SLC38A5: variants seen among roughly 807,000 people sequenced by gnomAD.
SLC38A5 encodes solute carrier family 38 member 5.
A neutral mutation model predicts 34.6 loss-of-function variants in SLC38A5; 9 were observed. The ratio of observed to expected loss-of-function variants is 0.26; its 90% CI spans 0.16 to 0.45. The LOEUF (loss-of-function observed/expected upper bound fraction) is 0.45, where lower values mean the gene tolerates loss of function less well. SLC38A5 is among the 20% of genes least tolerant of loss of function. SLC38A5 has a pLI of 1.00. For synonymous variants in SLC38A5, 157 were observed against 155.6 expected (o/e 1.01, Z -0.07); for missense variants, 253 against 394.7 (o/e 0.64, Z 3.04).
chrX:48,463,924 A>G (rs1023932728), intron 8 of SLC38A5, among the ~76,000 whole-genome samples: 4 of 111,222 alleles, frequency 3.6e-5, no homozygotes, highest in African/African-American at 9.8e-5. Context: ...AAAGAAAGAA[A>G]GGAGAAAATC....
chrX:48,462,337 T>G, intron 9 of SLC38A5, 46 bp from the exon 10 acceptor site: 1 of 1,161,180 alleles, frequency 8.6e-7, no homozygotes, highest in Non-Finnish European at 1.2e-6. Context: ...CCAGGCGTGG[T>G]GGCTCACACC....
intron 8 of SLC38A5, among the ~76,000 whole-genome samples, chrX:48,464,392 T>G (rs1569470130): frequency 8.9e-6 from 1 of 112,943 alleles, no homozygotes; most frequent in East Asian, 2.8e-4. Flanking sequence ...GGGAGCTAAC[T>G]ATAATAATGA....
chrX:48,467,930 G>A lies in SLC38A5; in HGVS notation c.-1-5C>T, dbSNP rs782109165. The A allele has an allele frequency of 1.7e-6, 2 of 1,202,061 alleles. No homozygotes were observed. The highest frequency in any genetic ancestry group is 2.2e-6 in the Non-Finnish European group (2 of 890,189). On this transcript the variant is annotated splice_region_variant and splice_polypyrimidine_tract_variant and intron_variant, in intron 2 of 16. Transcript: ENST00000620913. ...TTTGGATCCTGCAGTTCCATCCTGT[G>A]GGCAAAGAAATGGGGTGGGGGGATC...
Position 48,462,273 on chromosome X carries a change from C to A in SLC38A5, c.593G>T (p.Ser198Ile). ...CAGCATGCAGGTCAGAGAGAGACCA[C>A]TGGTGTACCCCAGGTAGCCTAAGAG... The part of the protein sequence containing the change: ...MKHLGYLGYT[S>I]GLSLTCMLFF... The change falls in exon 10 of 17, where the codon AGT becomes ATT. Residue 198 changes from serine to isoleucine, a missense_variant. Around this residue, in one of 3 missense-constraint regions of SLC38A5, gnomAD observed 176 missense variants for 273.0 expected, o/e 0.64. Transcript: ENST00000620913. 1 of 1,210,322 alleles carries A rather than the reference C, an allele frequency of 8.3e-7. No individual in the cohort carries two copies. The highest frequency in any genetic ancestry group is 1.1e-6 in the Non-Finnish European group (1 of 894,827).
Position 48,467,772 on chromosome X carries a change from G to A in SLC38A5, c.67C>T (p.Arg23Cys), listed in dbSNP as rs781803186. 8 of 1,208,161 alleles carry A rather than the reference G, an allele frequency of 6.6e-6. No individual in the cohort carries two copies. The highest frequency in any genetic ancestry group is 1.7e-5 in the African/African-American group (1 of 57,628). Residue 23 changes from arginine to cysteine, a missense_variant, in exon 4 of 17, where the codon CGT (arginine) becomes TGT (cysteine). Coordinates refer to ENST00000620913, the MANE Select transcript of SLC38A5 (RefSeq NM_033518.4). ...CCACGACTGGGCAGGAAGCCCTCACGTTCTTGCCTGTAGCTGGATAGGGCA... is the reference window on the plus strand; with the variant it reads ...CCACGACTGGGCAGGAAGCCCTCACATTCTTGCCTGTAGCTGGATAGGGCA... ...PSDAVGYRQEREGFLPSRGPA... is the reference protein window; with the variant it reads ...PSDAVGYRQECEGFLPSRGPA...
rs2061416329 is a variant in SLC38A5, at chrX:48,458,854, T to C, written c.*79A>G. ...CATGGGAACCAGCCACCTCCACATG[T>C]TGGGCAGGAGGGACCCTAGGGAGCG... On this transcript the variant is annotated 3_prime_UTR_variant, in exon 17 of 17. Transcript: ENST00000620913. 1.8e-6 allele frequency: 2 copies of C among 1,109,893 alleles called. No homozygotes were observed. Among genetic ancestry groups the C allele is most frequent in the African/African-American group, 3.7e-5 (2 of 54,299 alleles). The allele number at this position is 1,109,893 out of a possible 1,213,427, so 91.5% of individuals were successfully genotyped here. A position where few individuals can be genotyped will look rare whatever the true frequency, so the allele number is the denominator to read the frequency against.
At chrX:48,464,074 T>G (rs1040795204) in intron 8 of SLC38A5, among the ~76,000 whole-genome samples, 3 of 111,763 alleles carry the variant, frequency 2.7e-5, no homozygotes, top group Non-Finnish European at 3.8e-5. Context: ...CATGCATGCT[T>G]GTTTGAACAG....
At chrX:48,468,813 C>T in intron 2 of SLC38A5, 7 of 646,289 alleles carry the variant, frequency 1.1e-5, no homozygotes, top group South Asian at 8.4e-5. Flanking sequence ...GAACCTGGCC[C>T]GAGCCCTCAT....
rs2061414730 is a variant in SLC38A5 at position 48,458,674 on chromosome X, C to CCTT, written c.*258_*259insAAG. On this transcript the variant is annotated 3_prime_UTR_variant, in exon 17 of 17. Coordinates refer to ENST00000620913, the MANE Select transcript of SLC38A5 (RefSeq NM_033518.4). ...CAGGACCTGGCCTCCTCCTCCTCCT[C>CCTT]CTCCTCCTCCTCCTCCTCCTCTTCT... 1.0e-6 allele frequency: 1 copy of CCTT among 974,977 alleles called. No individual in the cohort carries two copies. The highest frequency in any genetic ancestry group is 4.3e-5 in the East Asian group (1 of 23,475). The allele number at this position is 974,977 out of a possible 1,213,427, so 80.3% of individuals were successfully genotyped here.
At chrX:48,459,112 C>T in intron 16 of SLC38A5, 78 bp from the exon 17 acceptor site, 12 of 1,014,823 alleles carry the variant, frequency 1.2e-5, no homozygotes, top group Non-Finnish European at 1.6e-5. Flanking sequence ...CTCAAGTCTT[C>T]CACCTCCTTC....
Position 48,466,852 on chromosome X carries a change from G to A in SLC38A5, c.266C>T (p.Ala89Val). 8.3e-7 allele frequency: 1 copy of A among 1,205,940 alleles called. No individual in the cohort carries two copies. Among genetic ancestry groups the A allele is most frequent in the Non-Finnish European group, 1.1e-6 (1 of 892,546 alleles). Residue 89 changes from alanine (A) to valine (V), a missense_variant, in exon 6 of 17, where the codon GCG becomes GTG. Transcript: ENST00000620913. ...GTGGATGGAGTAGGACGACAGAAGC[G>A]CAATGCACAGCAGCAGGGCCCTGCG... Reference protein sequence around the residue: ...IFFLALLLCIALLSSYSIHLL... With the variant: ...IFFLALLLCIVLLSSYSIHLL...
chrX:48,458,726 T>G lies in SLC38A5; in HGVS notation c.*207A>C. The stretch of plus-strand genomic sequence containing the variant: ...CCTCCTCCTCCTCCTCCCATGGGGT[T>G]GGGGTTGGGATTAGGGCCATGATCC... On this transcript the variant is annotated 3_prime_UTR_variant, in exon 17 of 17. Coordinates refer to ENST00000620913, the MANE Select transcript of SLC38A5 (RefSeq NM_033518.4). 2.0e-6 allele frequency: 2 copies of G among 999,584 alleles called. No homozygotes were observed. The highest frequency in any genetic ancestry group is 1.3e-6 in the Non-Finnish European group (1 of 790,107). 82.4% of individuals were successfully genotyped at this position (999,584 alleles called of 1,213,427 possible).
rs137986694 is a variant in SLC38A5 at position 48,460,712 on chromosome X, G to A, written c.1005C>T (p.Ile335=). ...LHMYSQKDPL[I]LCVRLAVLLA... Reference sequence around the variant, plus strand: ...GCAGCACGGCCAGGCGCACACAGAGGATGAGCGGGTCCTTCTGGCTGTACA... The same window carrying A: ...GCAGCACGGCCAGGCGCACACAGAGAATGAGCGGGTCCTTCTGGCTGTACA... The change falls in exon 14 of 17, where the codon ATC becomes ATT. Residue 335 remains isoleucine, a synonymous_variant. Transcript: ENST00000620913. 2.7e-5 allele frequency: 33 copies of A among 1,210,733 alleles called. No individual in the cohort carries two copies. In the African/African-American group the frequency reaches 4.7e-4, roughly 17 times the overall value.
intron 4 of SLC38A5, chrX:48,467,439 A>G (rs1055139884): frequency 9.5e-6 from 4 of 419,122 alleles, no homozygotes; most frequent in Non-Finnish European, 1.7e-5. Context: ...CTGGAGGAGA[A>G]AGGCAGGCCG....
chrX:48,467,478 C>G, intron 4 of SLC38A5: 1 of 428,779 alleles, frequency 2.3e-6, no homozygotes, highest in Non-Finnish European at 4.1e-6. Context: ...AGGGCAGTCA[C>G]TGGGCCGAAG....
intron 11 of SLC38A5, 30 bp from the exon 12 acceptor site, chrX:48,461,827 G>A: frequency 8.4e-7 from 1 of 1,188,776 alleles, no homozygotes. Context: ...CATGGGATTA[G>A]AGCCAACAGG....
chrX:48,460,752 G>C lies in SLC38A5; in HGVS notation c.965C>G (p.Ala322Gly). ...CTGGCTGTACATGTGCAGCATCTCC[G>C]CCTTCACACTGCCTGGGCCATGAGA... ...GYLTFYSSVK[A>G]EMLHMYSQKD... Residue 322 changes from alanine to glycine, a missense_variant, in exon 14 of 17, where the codon GCG becomes GGG. Ala to Gly is a moderately conservative substitution (Grantham distance 60, BLOSUM62 0). Coordinates refer to ENST00000620913, the MANE Select transcript of SLC38A5 (RefSeq NM_033518.4). 8.3e-7 allele frequency: 1 copy of C among 1,210,773 alleles called. No individual in the cohort carries two copies. The highest frequency in any genetic ancestry group is 1.1e-6 in the Non-Finnish European group (1 of 894,777).
chrX:48,458,640 A>G lies in SLC38A5; in HGVS notation c.*293T>C. On this transcript the variant is annotated 3_prime_UTR_variant, in exon 17 of 17. Transcript: ENST00000620913. ...AGGCAGAGAGGACTGGGCTGGGCAAAGGCTCCACCAGGACCTGGCCTCCTC... is the reference window on the plus strand; with the variant it reads ...AGGCAGAGAGGACTGGGCTGGGCAAGGGCTCCACCAGGACCTGGCCTCCTC... 1 of 954,683 alleles carries G rather than the reference A, an allele frequency of 1.0e-6. No homozygotes were observed. Among genetic ancestry groups the G allele is most frequent in the Non-Finnish European group, 1.3e-6 (1 of 765,647 alleles). 78.7% of individuals were successfully genotyped at this position (954,683 alleles called of 1,213,427 possible).
intron 2 of SLC38A5, chrX:48,469,112 G>A: frequency 1.5e-6 from 1 of 650,977 alleles, no homozygotes; most frequent in Non-Finnish European, 1.8e-6. Flanking sequence ...GGGTCTCAAG[G>A]AGTCCCATCC....
Sources: gnomAD v4.1 joint callset for allele counts (sites outside exome capture counted in the v4.1 genomes callset) on GRCh38, gnomAD v4.1.1 for gene constraint, gnomAD v4.1.1 regional missense constraint, MANE v1.5 for transcripts, NCBI Gene and HGNC (gene_info 2026-07-23, HGNC 2026-07-21) for gene names.